KIAA0825: variants seen among roughly 807,000 people sequenced by gnomAD.
KIAA0825 encodes the protein KIAA0825.
Under a neutral mutation model 147.6 loss-of-function variants are expected in KIAA0825, and 119 were observed. That is an observed-to-expected ratio of 0.81 (90% CI 0.69 to 0.94). The LOEUF (loss-of-function observed/expected upper bound fraction) is 0.94, where lower values mean the gene tolerates loss of function less well. Ranked by LOEUF, KIAA0825 falls within the 40% of genes least tolerant of loss-of-function variation. The pLI, the probability that KIAA0825 is intolerant of heterozygous loss-of-function variation, is 0.00. For missense variants in KIAA0825, 1,381 were observed against 1,472.7 expected (o/e 0.94, Z 1.02); for synonymous variants, 470 against 518.1 (o/e 0.91, Z 1.26).
chr5:94,508,530 G>GA (rs1283874719), intron 5 of KIAA0825, among the ~76,000 whole-genome samples: 6 of 150,798 alleles, frequency 4.0e-5, no homozygotes, highest in East Asian at 3.9e-4. Flanking sequence ...TTTAGAATAT[G>GA]AAAAAAAAGG....
Position 94,391,562 on chromosome 5 carries a change from T to C in KIAA0825, c.3429A>G (p.Gln1143=). 1 of 1,551,606 alleles carries C rather than the reference T, an allele frequency of 6.4e-7. No homozygotes were observed. Among genetic ancestry groups the C allele is most frequent in the Non-Finnish European group, 8.7e-7 (1 of 1,146,940 alleles). ...CATTGAGCTGCATGATGTGATAAAT[T>C]TGCCTCAGGTACTCCCTGCCACCTG... The part of the protein sequence containing the change: ...HKPGGREYLR[Q]IYHIMQLNEE... The change falls in exon 18 of 21, where the codon CAA becomes CAG. Residue 1143 remains glutamine, a synonymous_variant. Transcript: ENST00000682413.
At chr5:94,169,519 T>G (rs1399058171) in intron 20 of KIAA0825, among the ~76,000 whole-genome samples, 1 of 149,826 alleles carries the variant, frequency 6.7e-6, no homozygotes, top group African/African-American at 2.5e-5. Context: ...GAGGCAGAGG[T>G]TACAGTGAGC....
chr5:94,614,019 A>G (rs1255802493), intron 1 of KIAA0825, among the ~76,000 whole-genome samples: 1 of 152,230 alleles, frequency 6.6e-6, no homozygotes, highest in Non-Finnish European at 1.5e-5. Flanking sequence ...ATGTCTAAAT[A>G]TTTTACTATA....
At chr5:94,229,505 T>TTC (rs1485902692) in intron 20 of KIAA0825, among the ~76,000 whole-genome samples, 1 of 150,886 alleles carries the variant, frequency 6.6e-6, no homozygotes, top group East Asian at 1.9e-4. Flanking sequence ...ATATTGAATT[T>TTC]TTTTTTTTTT....
intron 20 of KIAA0825, among the ~76,000 whole-genome samples, chr5:94,253,503 C>A (rs1776085625): frequency 6.6e-6 from 1 of 152,068 alleles, no homozygotes; most frequent in Non-Finnish European, 1.5e-5. Context: ...TGGGTTAATA[C>A]ATCATGGAGC....
intron 15 of KIAA0825, chr5:94,414,893 G>T (rs1434050893): frequency 6.6e-6 from 1 of 152,200 alleles, no homozygotes; most frequent in East Asian, 1.9e-4. Flanking sequence ...AAGGGATCTT[G>T]GTTGTTTGCT....
At chr5:94,302,050 GA>G (rs976001986) in intron 20 of KIAA0825, among the ~76,000 whole-genome samples, 2 of 152,072 alleles carry the variant, frequency 1.3e-5, no homozygotes, top group Non-Finnish European at 2.9e-5. Context: ...TATCTTATTA[GA>G]AGCTTCCCTG....
At position 94,583,549 on chromosome 5, in the gene KIAA0825, A is replaced by G. The variant is rs536435905; in HGVS notation, c.-152-966T>C. ...GCTCGAACTGGGTAGAGCCCACCAC[A>G]GCTCAGCAAGGCCTACTGCCTCTCT... On this transcript the variant is annotated intron_variant, in intron 1 of 20. Transcript: ENST00000682413. Among the ~76,000 whole-genome samples, 5 of 152,342 alleles carry G rather than the reference A, an allele frequency of 3.3e-5. No homozygotes were observed. In the East Asian group the frequency reaches 9.6e-4, roughly 29 times the overall value.
intron 14 of KIAA0825, among the ~76,000 whole-genome samples, chr5:94,431,108 T>TA (rs1323487302): frequency 6.6e-6 from 1 of 152,050 alleles, no homozygotes; most frequent in African/African-American, 2.4e-5. Flanking sequence ...AATCAGAGGA[T>TA]AAAAAATGCA....
intron 20 of KIAA0825, among the ~76,000 whole-genome samples, chr5:94,242,861 T>C (rs1775422163): frequency 6.6e-6 from 1 of 152,178 alleles, no homozygotes; most frequent in South Asian, 2.1e-4. Flanking sequence ...CCTCAAGTGA[T>C]TCACCTGCCT....
At chr5:94,583,803 T>C (rs1243529761) in intron 1 of KIAA0825, among the ~76,000 whole-genome samples, 1 of 152,006 alleles carries the variant, frequency 6.6e-6, no homozygotes, top group Non-Finnish European at 1.5e-5. Flanking sequence ...TATAGGCAGG[T>C]GCCCCTCTGG....
rs191923841 is a variant in KIAA0825 at position 94,462,547 on chromosome 5, T to G, written c.2086A>C (p.Ile696Leu). The G allele has an allele frequency of 1.2e-4, 180 of 1,509,280 alleles. No homozygotes were observed. In the African/African-American group the frequency reaches 2.4e-3, roughly 20 times the overall value. 93.5% of individuals were successfully genotyped at this position (1,509,280 alleles called of 1,614,324 possible). A position where few individuals can be genotyped will look rare whatever the true frequency, so the allele number is the denominator to read the frequency against. ...QLRLDVTTIL[I>L]CTENMLWSVC... ...GACCATAACATGTTCTCAGTGCATATCAAAATTGTTGTGACATCAAGTCTG... is the reference window on the plus strand; with the variant it reads ...GACCATAACATGTTCTCAGTGCATAGCAAAATTGTTGTGACATCAAGTCTG... The change falls in exon 12 of 21, where the codon ATA becomes CTA. Residue 696 changes from isoleucine to leucine, a missense_variant. By Grantham distance (5) the Ile-to-Leu change is conservative. Coordinates refer to ENST00000682413, the MANE Select transcript of KIAA0825 (RefSeq NM_001145678.3).
intron 20 of KIAA0825, among the ~76,000 whole-genome samples, chr5:94,356,485 G>A (rs991864225): frequency 1.4e-4 from 21 of 151,266 alleles, no homozygotes; most frequent in Admixed American, 4.6e-4. Flanking sequence ...GGTCGCGGGC[G>A]CCTGTAGTCC....
intron 1 of KIAA0825, among the ~76,000 whole-genome samples, chr5:94,617,153 TTAA>T (rs953618182): frequency 6.6e-6 from 1 of 152,194 alleles, no homozygotes; most frequent in Non-Finnish European, 1.5e-5. Context: ...GGGGTAAGTA[TTAA>T]TGATTGGCTA....
At chr5:94,469,910 C>T (rs1357895500) in intron 10 of KIAA0825, 51 bp downstream of exon 10, 2 of 1,434,412 alleles carry the variant, frequency 1.4e-6, no homozygotes, top group Admixed American at 2.3e-5. Context: ...AGCAGGTACG[C>T]AGTAAAACAT....
chr5:94,474,992 G>A (rs1646100779), intron 7 of KIAA0825, among the ~76,000 whole-genome samples: 1 of 152,068 alleles, frequency 6.6e-6, no homozygotes, highest in Non-Finnish European at 1.5e-5. Context: ...AGGAGGCTGA[G>A]GCAGGAGAAT....
At position 94,223,996 on chromosome 5, in the gene KIAA0825, G is replaced by T. The variant is rs555317824; in HGVS notation, c.3711-69872C>A. Among the ~76,000 whole-genome samples the T allele has an allele frequency of 1.1e-4, 16 of 147,530 alleles. No individual in the cohort carries two copies. In the South Asian group the frequency reaches 3.4e-3, roughly 31 times the overall value. On this transcript the variant is annotated intron_variant, in intron 20 of 20. Coordinates refer to ENST00000682413, the MANE Select transcript of KIAA0825 (RefSeq NM_001145678.3). ...CTATAATTATTTTCTGCTAATTAGA[G>T]TAATTCATGGTTAATTATTCAAAAT...
chr5:94,326,327 C>CA (rs1780690112), intron 20 of KIAA0825, among the ~76,000 whole-genome samples: 1 of 152,114 alleles, frequency 6.6e-6, no homozygotes, highest in African/African-American at 2.4e-5. Context: ...TTGTACATCT[C>CA]ATAAAATGCT....
Position 94,533,273 on chromosome 5 carries a change from C to T in KIAA0825, c.131+3723G>A, listed in dbSNP as rs1415854982. Among the ~76,000 whole-genome samples the T allele has an allele frequency of 1.0e-4, 15 of 144,352 alleles. 1 individual carries two copies. The highest frequency in any genetic ancestry group is 4.4e-4 in the South Asian group (2 of 4,500). The allele number at this position is 144,352 out of a possible 152,430, so 94.7% of individuals were successfully genotyped here. ...GATTACAGGCATGAGCCACTGTGCC[C>T]GGCCTTTTTTTTTTTTTTTTTGAGA... On this transcript the variant is annotated intron_variant, in intron 3 of 20. Coordinates refer to ENST00000682413, the MANE Select transcript of KIAA0825 (RefSeq NM_001145678.3).
Sources: allele counts gnomAD v4.1 joint callset (sites outside exome capture counted in the v4.1 genomes callset), GRCh38; gene constraint gnomAD v4.1.1; transcripts MANE v1.5; gene names NCBI Gene and HGNC (gene_info 2026-07-23, HGNC 2026-07-21).